SNX29: variants seen among roughly 807,000 people sequenced by gnomAD.
SNX29 encodes the protein sorting nexin 29.
SNX29 carries 78 observed loss-of-function variants against 102.1 expected under a neutral mutation model. That is an observed-to-expected ratio of 0.76 (90% CI 0.64 to 0.92). The LOEUF (loss-of-function observed/expected upper bound fraction) is 0.92. SNX29 is among the 40% of genes least tolerant of loss of function. The probability of loss-of-function intolerance (pLI) is 0.00; values close to 1 mark genes in which losing one functional copy is unlikely to be tolerated. For missense variants in SNX29, 1,280 were observed against 1,061.7 expected (o/e 1.21, Z -2.86); for synonymous variants, 580 against 414.5 (o/e 1.40, Z -4.85).
intron 4 of SNX29, among the ~76,000 whole-genome samples, chr16:12,037,307 C>T (rs1264279385): frequency 6.6e-6 from 1 of 152,104 alleles, no homozygotes; most frequent in Non-Finnish European, 1.5e-5. Context: ...ACTCCCAGGC[C>T]ATTGTTTGCT....
chr16:12,501,015 C>A (rs1159406150), intron 19 of SNX29, among the ~76,000 whole-genome samples: 1 of 152,174 alleles, frequency 6.6e-6, no homozygotes. Flanking sequence ...TGGCTGTGTG[C>A]TGTGTTGCCC....
chr16:12,403,419 G>A (rs1450268146), intron 17 of SNX29, 29 bp from the exon 18 acceptor site: 3 of 1,571,884 alleles, frequency 1.9e-6, no homozygotes, highest in Non-Finnish European at 8.7e-7. Flanking sequence ...AATGTCTAAT[G>A]TTGGTCTCTC....
chr16:12,286,148 GTTT>G (rs113933392), intron 15 of SNX29, among the ~76,000 whole-genome samples: 1 of 144,946 alleles, frequency 6.9e-6, no homozygotes, highest in Non-Finnish European at 1.5e-5. Context: ...TGTCCTGTTT[GTTT>G]TTTTTTTTAA....
At chr16:12,002,190 G>C (rs559354154) in intron 2 of SNX29, among the ~76,000 whole-genome samples, 1 of 152,116 alleles carries the variant, frequency 6.6e-6, no homozygotes, top group Non-Finnish European at 1.5e-5. Flanking sequence ...GCTCACGCCT[G>C]TAATCCCAGC....
At chr16:12,387,145 AGAG>A (rs2083369215) in intron 16 of SNX29, among the ~76,000 whole-genome samples, 1 of 151,892 alleles carries the variant, frequency 6.6e-6, no homozygotes, top group African/African-American at 2.4e-5. Flanking sequence ...TAAAAAAAAA[AGAG>A]AGAGCCACAC....
rs761495145 is a variant in SNX29, at chr16:12,027,552, TGGGGTGGTGTATG to T, written c.247+111_247+123del. 465 of 1,383,908 alleles carry T rather than the reference TGGGGTGGTGTATG, an allele frequency of 3.4e-4. 2 individuals are homozygous for T. The highest frequency in any genetic ancestry group is 2.4e-3 in the Middle Eastern group (9 of 3,772). The allele number at this position is 1,383,908 out of a possible 1,614,324, so 85.7% of individuals were successfully genotyped here. A position where few individuals can be genotyped will look rare whatever the true frequency, so the allele number is the denominator to read the frequency against. On this transcript the variant is annotated intron_variant, in intron 4 of 20. Transcript: ENST00000566228. ...AGGGCAGTGATCGCGTGGGACTTGGTGGGGTGGTGTATGGGCACAGAAATCCATGTCTTAATAG... is the reference window on the plus strand; with the variant it reads ...AGGGCAGTGATCGCGTGGGACTTGGTGGCACAGAAATCCATGTCTTAATAG...
chr16:12,316,478 G>C (rs1468130799), intron 15 of SNX29, among the ~76,000 whole-genome samples: 1 of 152,160 alleles, frequency 6.6e-6, no homozygotes, highest in East Asian at 1.9e-4. Context: ...AGGAGGCGGA[G>C]GTTGCAGTGA....
At chr16:12,440,203 C>T (rs1484435276) in intron 18 of SNX29, among the ~76,000 whole-genome samples, 1 of 152,234 alleles carries the variant, frequency 6.6e-6, no homozygotes, top group Non-Finnish European at 1.5e-5. Context: ...TTCTCTCTTT[C>T]TCCTGTCCTT....
chr16:12,120,896 C>G (rs571649428), intron 11 of SNX29, among the ~76,000 whole-genome samples: 3 of 152,186 alleles, frequency 2.0e-5, no homozygotes, highest in Admixed American at 2.0e-4. Flanking sequence ...GCCTGAATCT[C>G]TGTCACTGGG....
chr16:12,311,781 A>G (rs991496535), intron 15 of SNX29, among the ~76,000 whole-genome samples: 2 of 152,238 alleles, frequency 1.3e-5, no homozygotes, highest in African/African-American at 2.4e-5. Context: ...TGCTGTATCT[A>G]TGGCACCTGG....
chr16:12,476,071 A>T lies in SNX29; in HGVS notation c.2038-1648A>T, dbSNP rs1185577239. 2.0e-5 allele frequency among the ~76,000 whole-genome samples: 3 copies of T among 152,052 alleles called. No individual in the cohort carries two copies. The East Asian group carries it at 5.8e-4, about 29-fold the overall frequency. On this transcript the variant is annotated intron_variant, in intron 18 of 20. Coordinates refer to ENST00000566228, the MANE Select transcript of SNX29 (RefSeq NM_032167.5). ...CGTGGTGGGTCACGCCTATAATCCC[A>T]GTACTTTGTGAGGCCAAGGCAGGCA...
chr16:12,086,005 A>C (rs62038869), intron 11 of SNX29, among the ~76,000 whole-genome samples: 2 of 146,708 alleles, frequency 1.4e-5, no homozygotes, highest in African/African-American at 5.1e-5. Flanking sequence ...CACTCTTGCC[A>C]ATTCTTTTTT....
chr16:12,486,883 A>T (rs1402592306), intron 19 of SNX29, among the ~76,000 whole-genome samples: 1 of 151,984 alleles, frequency 6.6e-6, no homozygotes, highest in East Asian at 1.9e-4. Flanking sequence ...GTTAATCCTA[A>T]ACTTGTGGGG....
chr16:12,345,762 G>T (rs987668414), intron 15 of SNX29, among the ~76,000 whole-genome samples: 1 of 152,162 alleles, frequency 6.6e-6, no homozygotes, highest in Non-Finnish European at 1.5e-5. Context: ...CCGTATTCTC[G>T]TTCCATCCAT....
chr16:12,332,737 C>A (rs141261998), intron 15 of SNX29, among the ~76,000 whole-genome samples: 5 of 152,302 alleles, frequency 3.3e-5, no homozygotes, highest in East Asian at 1.9e-4. Context: ...CCAGCCTGAT[C>A]TCTAGCACTT....
At position 11,976,822 on chromosome 16, in the gene SNX29, C is replaced by A. The variant is rs1033199572; in HGVS notation, c.7+9C>A. On this transcript the variant is annotated intron_variant, in intron 1 of 20. Transcript: ENST00000566228. ...GAGAGGCACCATGAGCGGTGAGTGG[C>A]GGCCCCGCCGCTGTCACCTGCCCCG... The A allele has an allele frequency of 2.9e-6, 4 of 1,373,746 alleles. No homozygotes were observed. The Admixed American group carries it at 1.2e-4, about 42-fold the overall frequency. 85.1% of individuals were successfully genotyped at this position (1,373,746 alleles called of 1,614,324 possible).
intron 18 of SNX29, among the ~76,000 whole-genome samples, chr16:12,440,305 C>T (rs1258921105): frequency 1.1e-4 from 17 of 152,164 alleles, no homozygotes; most frequent in Admixed American, 1.0e-3. Context: ...CACAAGATTA[C>T]GCAACCATCA....
chr16:12,312,192 A>G (rs1450360000), intron 15 of SNX29, among the ~76,000 whole-genome samples: 2 of 152,242 alleles, frequency 1.3e-5, no homozygotes, highest in Non-Finnish European at 2.9e-5. Context: ...GGGGCTATTT[A>G]GCAGCTGCAG....
chr16:12,304,617 G>A (rs1418899384), intron 15 of SNX29, among the ~76,000 whole-genome samples: 1 of 152,048 alleles, frequency 6.6e-6, no homozygotes, highest in African/African-American at 2.4e-5. Flanking sequence ...GGTCTTGAAC[G>A]CCTGACCTCA....
Sources: gnomAD v4.1 joint callset for allele counts (sites outside exome capture counted in the v4.1 genomes callset) on GRCh38, gnomAD v4.1.1 for gene constraint, MANE v1.5 for transcripts, NCBI Gene and HGNC (gene_info 2026-07-23, HGNC 2026-07-21) for gene names.